Variants in DLG2 observed in about 807,000 individuals in gnomAD.
DLG2 encodes discs large MAGUK scaffold protein 2.
In DLG2, 45 loss-of-function variants were observed where a neutral mutation model predicts 132.5. The observed-to-expected ratio is 0.34, with a 90% confidence interval of 0.27 to 0.44. The LOEUF (loss-of-function observed/expected upper bound fraction) is 0.44, where lower values mean the gene tolerates loss of function less well. Ranked by LOEUF, DLG2 falls within the 20% of genes least tolerant of loss-of-function variation. DLG2 has a pLI of 1.00. For missense variants in DLG2, 1,045 were observed against 1,196.9 expected, an observed-to-expected ratio of 0.87 and a Z score of 1.87; for synonymous variants, 424 against 419.6, an observed-to-expected ratio of 1.01 and a Z score of -0.13.
intron 6 of DLG2, among the ~76,000 whole-genome samples, chr11:84,561,525 T>G (rs968950066): frequency 1.3e-5 from 2 of 152,128 alleles, no homozygotes; most frequent in Admixed American, 6.6e-5. Context: ...AAGTCTGACT[T>G]GCCCACCAGA....
At chr11:84,897,091 C>A (rs1590855153) in intron 6 of DLG2, among the ~76,000 whole-genome samples, 1 of 151,796 alleles carries the variant, frequency 6.6e-6, no homozygotes, top group African/African-American at 2.4e-5. Context: ...CACTCCTTCA[C>A]CCCACAATAT....
At chr11:83,645,515 T>A (rs1358773735) in intron 18 of DLG2, among the ~76,000 whole-genome samples, 1 of 151,974 alleles carries the variant, frequency 6.6e-6, no homozygotes, top group Non-Finnish European at 1.5e-5. Flanking sequence ...ATAATAAAAG[T>A]AAGTAACCAT....
chr11:83,995,885 TG>T (rs34512861), intron 11 of DLG2, among the ~76,000 whole-genome samples: 1 of 152,048 alleles, frequency 6.6e-6, no homozygotes, highest in Non-Finnish European at 1.5e-5. Flanking sequence ...AAGAAAACAT[TG>T]GGGAAGATTT....
At chr11:84,693,855 G>A (rs1043273033) in intron 6 of DLG2, among the ~76,000 whole-genome samples, 3 of 151,536 alleles carry the variant, frequency 2.0e-5, no homozygotes, top group African/African-American at 7.3e-5. Flanking sequence ...CTACTCATCT[G>A]GAAAACTATA....
chr11:83,844,945 A>G (rs1340670693), intron 16 of DLG2, among the ~76,000 whole-genome samples: 1 of 152,188 alleles, frequency 6.6e-6, no homozygotes, highest in Non-Finnish European at 1.5e-5. Context: ...TATTGAGAGC[A>G]ATGTGCTAGT....
intron 3 of DLG2, among the ~76,000 whole-genome samples, chr11:85,396,624 G>A (rs2374650): frequency 4.6e-4 from 70 of 152,220 alleles, no homozygotes; most frequent in African/African-American, 1.6e-3. Flanking sequence ...AGCACTTCGC[G>A]ATGCATGCAC....
At chr11:83,962,465 G>C (rs911901660) in intron 14 of DLG2, among the ~76,000 whole-genome samples, 15 of 151,918 alleles carry the variant, frequency 9.9e-5, no homozygotes, top group Non-Finnish European at 2.1e-4. Context: ...AAGACAAAAA[G>C]TTTTTACATT....
intron 10 of DLG2, among the ~76,000 whole-genome samples, chr11:84,063,170 A>T (rs2096618235): frequency 6.6e-6 from 1 of 152,144 alleles, no homozygotes. Flanking sequence ...CTACCAATCT[A>T]ATTAAGTTGA....
chr11:85,467,671 T>C (rs2092837719), intron 3 of DLG2, among the ~76,000 whole-genome samples: 1 of 152,206 alleles, frequency 6.6e-6, no homozygotes, highest in Non-Finnish European at 1.5e-5. Context: ...CACTTGATCA[T>C]GGTGGATAAG....
At chr11:85,561,935 C>T (rs1019793073) in intron 3 of DLG2, among the ~76,000 whole-genome samples, 18 of 151,790 alleles carry the variant, frequency 1.2e-4, no homozygotes, top group Admixed American at 3.3e-4. Context: ...CTCCATTTTA[C>T]AGATACAGAA....
At chr11:83,793,104 CT>C (rs1325220421) in intron 17 of DLG2, among the ~76,000 whole-genome samples, 4 of 151,690 alleles carry the variant, frequency 2.6e-5, no homozygotes, top group African/African-American at 4.8e-5. Context: ...ATTTATTTTG[CT>C]TTTTTTGTTG....
intron 3 of DLG2, among the ~76,000 whole-genome samples, chr11:85,319,201 A>G (rs1427612347): frequency 1.3e-5 from 2 of 151,870 alleles, no homozygotes; most frequent in Non-Finnish European, 3.0e-5. Context: ...ACAGTCTCAA[A>G]CCACAAAGAC....
At chr11:84,162,342 G>A (rs975076372) in intron 9 of DLG2, among the ~76,000 whole-genome samples, 1 of 151,276 alleles carries the variant, frequency 6.6e-6, no homozygotes, top group Admixed American at 6.6e-5. Context: ...ATATAGCTTT[G>A]TGTCTACTGA....
intron 3 of DLG2, among the ~76,000 whole-genome samples, chr11:85,310,351 G>C (rs895047155): frequency 1.3e-5 from 2 of 152,172 alleles, no homozygotes. Flanking sequence ...TCATTCTGGA[G>C]CTAGCCACAC....
At chr11:85,131,524 T>C (rs1206573015) in intron 5 of DLG2, among the ~76,000 whole-genome samples, 1 of 152,154 alleles carries the variant, frequency 6.6e-6, no homozygotes, top group Non-Finnish European at 1.5e-5. Flanking sequence ...TTTATTTTAG[T>C]TGATTTACTG....
intron 3 of DLG2, among the ~76,000 whole-genome samples, chr11:85,386,365 C>A (rs954492090): frequency 6.6e-6 from 1 of 152,084 alleles, no homozygotes; most frequent in African/African-American, 2.4e-5. Flanking sequence ...CAAAGCTTCA[C>A]AATTAATAAG....
intron 4 of DLG2, among the ~76,000 whole-genome samples, chr11:85,182,866 T>G (rs2079813337): frequency 6.8e-6 from 1 of 147,472 alleles, no homozygotes; most frequent in African/African-American, 2.5e-5. Flanking sequence ...CTAGATAATG[T>G]GGGTTGAGAT....
intron 6 of DLG2, among the ~76,000 whole-genome samples, chr11:84,735,460 A>G (rs1365764865): frequency 1.3e-5 from 2 of 152,066 alleles, no homozygotes; most frequent in South Asian, 2.1e-4. Context: ...GGTAGTTTGT[A>G]TTTCTGTGGC....
At chr11:84,502,182 C>A (rs1429526481) in intron 7 of DLG2, among the ~76,000 whole-genome samples, 1 of 26,458 alleles carries the variant, frequency 3.8e-5, no homozygotes, top group Admixed American at 2.2e-4. Flanking sequence ...CTCTTTCTCT[C>A]TCTTTCTCTC....
Sources: gnomAD v4.1 joint callset for allele counts (sites outside exome capture counted in the v4.1 genomes callset) on GRCh38, gnomAD v4.1.1 for gene constraint, MANE v1.5 for transcripts, NCBI Gene and HGNC (gene_info 2026-07-23, HGNC 2026-07-21) for gene names.